TRPM7: variants seen among roughly 807,000 people sequenced by gnomAD.
The protein encoded by TRPM7 is LTRPC ion channel family member 7.
A neutral mutation model predicts 229.7 loss-of-function variants in TRPM7; 134 were observed. The observed-to-expected ratio is 0.58, with a 90% CI of 0.51 to 0.67. The LOEUF is 0.67. Among genes scored for constraint, TRPM7 ranks in the 30% least tolerant of loss-of-function variants. TRPM7 has a pLI of 0.00. For synonymous variants in TRPM7, 699 were observed against 715.2 expected (o/e 0.98, Z 0.36); for missense variants, 1,901 against 2,210.0 (o/e 0.86, Z 2.80).
intron 19 of TRPM7, 48 bp downstream of exon 19, chr15:50,609,533 A>G (rs2060008436): frequency 6.5e-7 from 1 of 1,543,340 alleles, no homozygotes. Flanking sequence ...ATGGTCCCCC[A>G]AAGCCTAACT....
At chr15:50,589,688 A>C in intron 26 of TRPM7, 32 bp from the exon 27 acceptor site, 1 of 1,469,146 alleles carries the variant, frequency 6.8e-7, no homozygotes, top group Non-Finnish European at 9.3e-7. Context: ...TGCAATGAGA[A>C]ATTTTTATTT....
intron 23 of TRPM7, among the ~76,000 whole-genome samples, chr15:50,595,960 A>C (rs1406552379): frequency 6.6e-6 from 1 of 152,224 alleles, no homozygotes; most frequent in African/African-American, 2.4e-5. Context: ...AAATATTAAC[A>C]GTGGAATTAC....
At chr15:50,598,471 C>T (rs945453815) in intron 22 of TRPM7, among the ~76,000 whole-genome samples, 2 of 152,186 alleles carry the variant, frequency 1.3e-5, no homozygotes, top group Non-Finnish European at 2.9e-5. Context: ...ATCTGTAAAA[C>T]TCAACATGCT....
chr15:50,591,839 TAC>T, intron 26 of TRPM7, 70 bp downstream of exon 26: 1 of 1,101,554 alleles, frequency 9.1e-7, no homozygotes, highest in Non-Finnish European at 1.3e-6. Flanking sequence ...CTTGTAACAG[TAC>T]ATATTTCTAT....
intron 3 of TRPM7, among the ~76,000 whole-genome samples, chr15:50,651,483 A>C (rs1459423678): frequency 6.6e-6 from 1 of 151,912 alleles, no homozygotes; most frequent in Non-Finnish European, 1.5e-5. Context: ...GTCTGTAATA[A>C]AAATAAAAAA....
chr15:50,599,902 A>G (rs2059729968), intron 21 of TRPM7, among the ~76,000 whole-genome samples: 1 of 152,242 alleles, frequency 6.6e-6, no homozygotes, highest in Non-Finnish European at 1.5e-5. Flanking sequence ...TTTGTAAGTC[A>G]TGTAGTTTGT....
intron 22 of TRPM7, 24 bp downstream of exon 22, chr15:50,599,098 A>T (rs375925286): frequency 5.2e-5 from 79 of 1,520,876 alleles, no homozygotes; most frequent in Non-Finnish European, 6.8e-5. Context: ...CCAAAAGATA[A>T]ATCTGTAAAT....
intron 30 of TRPM7, among the ~76,000 whole-genome samples, chr15:50,579,852 G>A (rs1371873469): frequency 6.6e-6 from 1 of 152,146 alleles, no homozygotes; most frequent in Non-Finnish European, 1.5e-5. Flanking sequence ...CTGGAGTGAA[G>A]TGGTGCAATC....
Position 50,611,181 on chromosome 15 carries a change from C to G in TRPM7, c.2192G>C (p.Arg731Thr). The change falls in exon 17 of 39, where the codon AGA (arginine) becomes ACA (threonine). Residue 731 changes from arginine to threonine, a missense_variant. By Grantham distance (71) the Arg-to-Thr change is moderately conservative (BLOSUM62 -1). This residue lies in a region of TRPM7 where 794 missense variants were observed against 881.9 expected (regional missense o/e 0.90). Coordinates refer to ENST00000646667, the MANE Select transcript of TRPM7 (RefSeq NM_017672.6). ...CLKLAVSSRL[R>T]PFVAHTCTQM... is the part of the protein sequence containing the mutation. ...TGTACAGGTGTGAGCTACAAAAGGTCTAAGTCTTGAAGAAACTGCTAACTT... is the reference window on the plus strand; with the variant it reads ...TGTACAGGTGTGAGCTACAAAAGGTGTAAGTCTTGAAGAAACTGCTAACTT... 2 of 1,613,972 alleles carry G rather than the reference C, an allele frequency of 1.2e-6. No homozygotes were observed. The highest frequency in any genetic ancestry group is 1.7e-6 in the Non-Finnish European group (2 of 1,179,934).
chr15:50,646,056 GC>G (rs2061253491), intron 4 of TRPM7, among the ~76,000 whole-genome samples: 1 of 150,810 alleles, frequency 6.6e-6, no homozygotes, highest in South Asian at 2.1e-4. Flanking sequence ...GGCAGAGGTT[GC>G]AGTGAGCTGA....
chr15:50,576,976 G>A (rs1040618950), intron 31 of TRPM7, among the ~76,000 whole-genome samples: 11 of 152,096 alleles, frequency 7.2e-5, no homozygotes, highest in African/African-American at 2.7e-4. Flanking sequence ...GCTGAGCAAG[G>A]TGGCACCCAC....
Position 50,599,216 on chromosome 15 carries a change from A to T in TRPM7, c.3069T>A (p.Tyr1023Ter). The change falls in exon 22 of 39, where the codon TAT becomes TAA. Residue 1023 changes from tyrosine (Y) to a stop codon, truncating the protein, a stop_gained. Transcript: ENST00000646667. LOFTEE classifies it high-confidence loss of function. ...SFGVPRKAIL[Y>*]PHEAPSWTLA... ...GAGTCCAAGATGGTGCTTCATGAGG[A>T]TAAAGTATTGCCTTTCTGGGAACAC... The T allele has an allele frequency of 1.2e-6, 2 of 1,613,250 alleles. No individual in the cohort carries two copies. Among genetic ancestry groups the T allele is most frequent in the Non-Finnish European group, 1.7e-6 (2 of 1,179,318 alleles).
At chr15:50,586,834 T>C (rs1596108253) in intron 27 of TRPM7, among the ~76,000 whole-genome samples, 1 of 152,194 alleles carries the variant, frequency 6.6e-6, no homozygotes, top group Non-Finnish European at 1.5e-5. Flanking sequence ...TTGGCCAACA[T>C]GGTGAAACCC....
At chr15:50,679,599 A>T (rs1427972987) in intron 1 of TRPM7, among the ~76,000 whole-genome samples, 1 of 139,800 alleles carries the variant, frequency 7.2e-6, no homozygotes. Flanking sequence ...GCAGTGGCGC[A>T]ATCTGGAGTC....
rs553262350 is a variant in TRPM7, at chr15:50,608,615, C to T, written c.2580+966G>A. The stretch of plus-strand genomic sequence containing the variant: ...TAACTGATATTTGCAATTCCAGCCT[C>T]TGAATAGGAAGGAACAAGAACATTT... On this transcript the variant is annotated intron_variant, in intron 19 of 38. Coordinates refer to ENST00000646667, the MANE Select transcript of TRPM7 (RefSeq NM_017672.6). 3.3e-5 allele frequency among the ~76,000 whole-genome samples: 5 copies of T among 152,252 alleles called. No homozygotes were observed. In the South Asian group the frequency reaches 1.0e-3, roughly 32 times the overall value.
intron 1 of TRPM7, among the ~76,000 whole-genome samples, chr15:50,680,805 G>C (rs1463495878): frequency 6.6e-6 from 1 of 152,060 alleles, no homozygotes; most frequent in Non-Finnish European, 1.5e-5. Context: ...AATATCAAAA[G>C]CCTTCTCCAA....
intron 1 of TRPM7, among the ~76,000 whole-genome samples, chr15:50,682,613 T>C (rs560955531): frequency 5.4e-4 from 82 of 151,102 alleles, no homozygotes; most frequent in African/African-American, 1.9e-3. Flanking sequence ...ATTTCCTAAA[T>C]CCAAAATTAA....
chr15:50,589,740 C>A, intron 26 of TRPM7, 84 bp from the exon 27 acceptor site: 1 of 880,898 alleles, frequency 1.1e-6, no homozygotes, highest in Non-Finnish European at 1.8e-6. Flanking sequence ...TTTATAAAAA[C>A]AATAGGTTTA....
At chr15:50,584,038 TC>T (rs1305718716) in intron 28 of TRPM7, among the ~76,000 whole-genome samples, 1 of 152,342 alleles carries the variant, frequency 6.6e-6, no homozygotes, top group East Asian at 1.9e-4. Flanking sequence ...CAATGAATAA[TC>T]CTTTTCCCCA....
Sources: gnomAD v4.1 joint callset for allele counts (sites outside exome capture counted in the v4.1 genomes callset) on GRCh38, gnomAD v4.1.1 for gene constraint, gnomAD v4.1.1 regional missense constraint, MANE v1.5 for transcripts, NCBI Gene and HGNC (gene_info 2026-07-23, HGNC 2026-07-21) for gene names.